The following LHFPL3 variants were observed in gnomAD, a reference collection of about 807,000 sequenced individuals.
LHFPL3 encodes the protein LHFPL tetraspan subfamily member 3.
LHFPL3 carries 5 observed loss-of-function variants against 19.3 expected under a neutral mutation model. The observed-to-expected ratio is 0.26, with a 90% CI of 0.14 to 0.54. The LOEUF is 0.54. Ranked by LOEUF, LHFPL3 falls within the 20% of genes least tolerant of loss-of-function variation. The probability of loss-of-function intolerance (pLI) is 0.94; values close to 1 mark genes in which losing one functional copy is unlikely to be tolerated. For missense variants in LHFPL3, 249 were observed against 307.4 expected (o/e 0.81, Z 1.42); for synonymous variants, 133 against 126.2 (o/e 1.05, Z -0.36).
intron 1 of LHFPL3, among the ~76,000 whole-genome samples, chr7:104,626,082 G>A (rs1791540160): frequency 6.6e-6 from 1 of 152,132 alleles, no homozygotes; most frequent in South Asian, 2.1e-4. Flanking sequence ...ATATAAATAA[G>A]ACAATGATAT....
At chr7:104,699,366 A>C (rs2116167207) in intron 1 of LHFPL3, among the ~76,000 whole-genome samples, 1 of 152,370 alleles carries the variant, frequency 6.6e-6, no homozygotes, top group Non-Finnish European at 1.5e-5. Flanking sequence ...ACACTTTTAC[A>C]CATGCCAGGA....
chr7:104,609,901 T>A (rs1361220497), intron 1 of LHFPL3, among the ~76,000 whole-genome samples: 2 of 152,244 alleles, frequency 1.3e-5, no homozygotes, highest in South Asian at 2.1e-4. Flanking sequence ...GGCATCATAA[T>A]TATTTCTTCT....
intron 2 of LHFPL3, among the ~76,000 whole-genome samples, chr7:104,831,776 GTGT>G (rs35316443): frequency 0.22 from 32,888 of 151,852 alleles, 3,932 homozygotes; most frequent in South Asian, 0.39. Flanking sequence ...ATTGTAGATA[GTGT>G]TGTTTTTGGA....
chr7:104,589,778 C>G (rs1035090105), intron 1 of LHFPL3, among the ~76,000 whole-genome samples: 2 of 152,122 alleles, frequency 1.3e-5, no homozygotes, highest in African/African-American at 4.8e-5. Context: ...TAATTATTGC[C>G]TCAATTTCAG....
chr7:104,496,663 C>G (rs147754445), intron 1 of LHFPL3, among the ~76,000 whole-genome samples: 47 of 152,300 alleles, frequency 3.1e-4, no homozygotes, highest in African/African-American at 1.1e-3. Context: ...GATCGCCATT[C>G]TAACTGGGAA....
chr7:104,388,797 G>C (rs1012078450), intron 1 of LHFPL3, among the ~76,000 whole-genome samples: 6 of 150,556 alleles, frequency 4.0e-5, no homozygotes, highest in Admixed American at 1.3e-4. Context: ...ATAGATGCAG[G>C]AATAGCATTT....
At chr7:104,900,021 C>T (rs1057075473) in intron 2 of LHFPL3, among the ~76,000 whole-genome samples, 7 of 152,180 alleles carry the variant, frequency 4.6e-5, no homozygotes, top group East Asian at 3.9e-4. Flanking sequence ...CGTGAGCCAC[C>T]GCCGTGCCTG....
chr7:104,841,297 CTA>C (rs1584569550), intron 2 of LHFPL3, among the ~76,000 whole-genome samples: 1 of 152,178 alleles, frequency 6.6e-6, no homozygotes, highest in Admixed American at 6.5e-5. Context: ...TGAGACATGA[CTA>C]TGTAGCTAAG....
Position 104,829,731 on chromosome 7 carries a change from G to T in LHFPL3, c.683-76456G>T, listed in dbSNP as rs1458141971. Among the ~76,000 whole-genome samples the T allele has an allele frequency of 5.8e-4, 88 of 152,066 alleles. 3 individuals carry two copies. The highest frequency in any genetic ancestry group is 1.9e-3 in the African/African-American group (78 of 41,340). ...ACATTTTCTTAATCCAGTCTATCAT[G>T]GTTGGACATTTGGGTTGGTTCCAAG... On this transcript the variant is annotated intron_variant, in intron 2 of 2. Coordinates refer to ENST00000424859, the MANE Select transcript of LHFPL3 (RefSeq NM_199000.3).
intron 1 of LHFPL3, among the ~76,000 whole-genome samples, chr7:104,604,063 G>C (rs779287636): frequency 2.0e-5 from 3 of 152,214 alleles, no homozygotes; most frequent in Non-Finnish European, 4.4e-5. Context: ...GGGACTCCCT[G>C]TGGCAACTCT....
At position 104,862,337 on chromosome 7, in the gene LHFPL3, C is replaced by T. The variant is rs115937303; in HGVS notation, c.683-43850C>T. On this transcript the variant is annotated intron_variant, in intron 2 of 2. Coordinates refer to ENST00000424859, the MANE Select transcript of LHFPL3 (RefSeq NM_199000.3). ...ACTTCAGGAGTGGACTTGAAAAGAA[C>T]TAATCTTAGGAGCTACTACATATTG... is the stretch of plus-strand genomic sequence containing the variant. 8.2e-3 allele frequency among the ~76,000 whole-genome samples: 1,242 copies of T among 152,218 alleles called. 18 individuals are homozygous for T. The highest frequency in any genetic ancestry group is 0.028 in the African/African-American group (1,175 of 41,516).
At chr7:104,602,074 A>T (rs1584431783) in intron 1 of LHFPL3, among the ~76,000 whole-genome samples, 1 of 117,486 alleles carries the variant, frequency 8.5e-6, no homozygotes, top group African/African-American at 3.3e-5. Context: ...ATGCTGGAGT[A>T]CAGTGGCATT....
At chr7:104,572,336 T>C (rs960553010) in intron 1 of LHFPL3, among the ~76,000 whole-genome samples, 3 of 152,194 alleles carry the variant, frequency 2.0e-5, no homozygotes, top group African/African-American at 7.2e-5. Context: ...CTTTTGGAGA[T>C]GTGGCTTTAG....
chr7:104,640,689 C>T (rs1791817000), intron 1 of LHFPL3, among the ~76,000 whole-genome samples: 1 of 152,192 alleles, frequency 6.6e-6, no homozygotes. Context: ...GCCGTTCTAA[C>T]TGATGCGAGA....
chr7:104,409,136 A>G (rs2116508908), intron 1 of LHFPL3, among the ~76,000 whole-genome samples: 1 of 150,928 alleles, frequency 6.6e-6, no homozygotes, highest in South Asian at 2.1e-4. Context: ...TCGGCCTCCC[A>G]AAATGCTGGG....
At chr7:104,643,293 A>G (rs1439179670) in intron 1 of LHFPL3, among the ~76,000 whole-genome samples, 1 of 152,216 alleles carries the variant, frequency 6.6e-6, no homozygotes, top group African/African-American at 2.4e-5. Context: ...GAGCCTTCCC[A>G]GAGATTCATG....
At chr7:104,654,048 C>T (rs1469566885) in intron 1 of LHFPL3, among the ~76,000 whole-genome samples, 1 of 152,202 alleles carries the variant, frequency 6.6e-6, no homozygotes, top group Non-Finnish European at 1.5e-5. Context: ...TACCCATTCA[C>T]TCCATGCCAA....
At chr7:104,519,992 T>C (rs186347242) in intron 1 of LHFPL3, among the ~76,000 whole-genome samples, 3 of 151,874 alleles carry the variant, frequency 2.0e-5, no homozygotes, top group East Asian at 3.9e-4. Flanking sequence ...AAAAGAAAAT[T>C]AGTGGTGAGA....
intron 1 of LHFPL3, among the ~76,000 whole-genome samples, chr7:104,468,039 G>T (rs1402253133): frequency 6.6e-6 from 1 of 152,196 alleles, no homozygotes; most frequent in African/African-American, 2.4e-5. Flanking sequence ...TAAGCAGAAA[G>T]ATTTAATGCA....
Sources: gnomAD v4.1 joint callset for allele counts (sites outside exome capture counted in the v4.1 genomes callset) on GRCh38, gnomAD v4.1.1 for gene constraint, MANE v1.5 for transcripts, NCBI Gene and HGNC (gene_info 2026-07-23, HGNC 2026-07-21) for gene names.